The following CCSER1 variants were observed in gnomAD, a reference collection of about 807,000 sequenced individuals.
CCSER1 encodes coiled-coil serine rich protein 1.
Under a neutral mutation model 82.0 loss-of-function variants are expected in CCSER1, and 41 were observed. The ratio of observed to expected loss-of-function variants is 0.50; its 90% confidence interval spans 0.39 to 0.65. CCSER1 has a LOEUF of 0.65. CCSER1 is among the 30% of genes least tolerant of loss of function. The probability of loss-of-function intolerance (pLI) is 0.00; values close to 1 mark genes in which losing one functional copy is unlikely to be tolerated. For missense variants in CCSER1, 1,119 were observed against 1,064.2 expected, an observed-to-expected ratio of 1.05 and a Z score of -0.72; for synonymous variants, 414 against 383.9, an observed-to-expected ratio of 1.08 and a Z score of -0.92.
chr4:90,539,572 A>G (rs1398872599), intron 5 of CCSER1, among the ~76,000 whole-genome samples: 1 of 152,186 alleles, frequency 6.6e-6, no homozygotes, highest in African/African-American at 2.4e-5. Context: ...ACAGACTCTA[A>G]TTGGGTAGGG....
chr4:90,771,562 C>T (rs1433489465), intron 7 of CCSER1, among the ~76,000 whole-genome samples: 2 of 95,090 alleles, frequency 2.1e-5, no homozygotes, highest in East Asian at 6.1e-4. Flanking sequence ...AAATGCCGGG[C>T]ACTAAAAAAA....
chr4:90,670,823 C>T (rs1732659833), intron 6 of CCSER1, among the ~76,000 whole-genome samples: 1 of 151,950 alleles, frequency 6.6e-6, no homozygotes, highest in South Asian at 2.1e-4. Context: ...TGCCCTCCTC[C>T]TTTATCCAGG....
chr4:91,154,727 G>A (rs1052156924), intron 10 of CCSER1, among the ~76,000 whole-genome samples: 1 of 151,954 alleles, frequency 6.6e-6, no homozygotes, highest in African/African-American at 2.4e-5. Context: ...ATGCATATGA[G>A]ATGAATACTG....
rs77820679 is a variant in CCSER1, at chr4:90,239,982, T to C, written c.-41-68262T>C. Among the ~76,000 whole-genome samples, 1,433 of 152,250 alleles carry C rather than the reference T, an allele frequency of 9.4e-3. 30 individuals carry two copies. Among genetic ancestry groups the C allele is most frequent in the African/African-American group, 0.03 (1,246 of 41,534 alleles). On this transcript the variant is annotated intron_variant, in intron 1 of 10. Transcript: ENST00000509176. ...ACAAAAGAGTAACTTCTCTCTAAGATATAGAGAAACCTAAGTGGTACCCTG... is the reference window on the plus strand; with the variant it reads ...ACAAAAGAGTAACTTCTCTCTAAGACATAGAGAAACCTAAGTGGTACCCTG...
chr4:90,882,781 C>A (rs1721532730), intron 8 of CCSER1, among the ~76,000 whole-genome samples: 1 of 151,774 alleles, frequency 6.6e-6, no homozygotes, highest in Admixed American at 6.6e-5. Context: ...AGGCTTCCCC[C>A]CTCAAATATA....
intron 9 of CCSER1, among the ~76,000 whole-genome samples, chr4:90,942,857 TTATA>T (rs999078841): frequency 6.7e-6 from 1 of 148,214 alleles, no homozygotes; most frequent in African/African-American, 2.5e-5. Context: ...CCTAAAAAAA[TTATA>T]TATATTTAAT....
chr4:91,376,910 C>T (rs2149331316), intron 10 of CCSER1, among the ~76,000 whole-genome samples: 1 of 42,030 alleles, frequency 2.4e-5, no homozygotes, highest in African/African-American at 7.2e-5. Context: ...CTCCCCCCAC[C>T]CAGGACAGGC....
intron 3 of CCSER1, among the ~76,000 whole-genome samples, chr4:90,340,324 C>A (rs17016808): frequency 1.3e-5 from 2 of 152,178 alleles, no homozygotes; most frequent in African/African-American, 4.8e-5. Flanking sequence ...TACATTTACC[C>A]TCAAAAACTA....
At chr4:91,341,406 T>G (rs1747709087) in intron 10 of CCSER1, among the ~76,000 whole-genome samples, 1 of 152,176 alleles carries the variant, frequency 6.6e-6, no homozygotes, top group African/African-American at 2.4e-5. Context: ...AATTATTAGT[T>G]TCAGAATATA....
intron 9 of CCSER1, among the ~76,000 whole-genome samples, chr4:91,066,892 G>A (rs1374685161): frequency 6.6e-6 from 1 of 152,110 alleles, no homozygotes; most frequent in South Asian, 2.1e-4. Flanking sequence ...CCCGCTGGGC[G>A]TGGTGGCTCA....
In CCSER1 at chr4:91,365,253, T is replaced by C. The variant is rs574042418; in HGVS notation, c.2218-233319T>C. On this transcript the variant is annotated intron_variant, in intron 10 of 10. Coordinates refer to ENST00000509176, the MANE Select transcript of CCSER1 (RefSeq NM_001145065.2). ...TGACCTGAGGTAAACAATAACTACATCCATGCGTGCATCATACATGCATAC... is the reference window on the plus strand; with the variant it reads ...TGACCTGAGGTAAACAATAACTACACCCATGCGTGCATCATACATGCATAC... 5.3e-5 allele frequency among the ~76,000 whole-genome samples: 8 copies of C among 152,278 alleles called. No homozygotes were observed. In the South Asian group the frequency reaches 1.7e-3, roughly 32 times the overall value.
chr4:90,638,614 T>G (rs1725888367), intron 6 of CCSER1, among the ~76,000 whole-genome samples: 1 of 152,202 alleles, frequency 6.6e-6, no homozygotes, highest in Admixed American at 6.6e-5. Flanking sequence ...TCTCTTAGAC[T>G]GATAGATTTT....
At chr4:91,563,380 C>T (rs1049980626) in intron 10 of CCSER1, among the ~76,000 whole-genome samples, 1 of 151,650 alleles carries the variant, frequency 6.6e-6, no homozygotes, top group African/African-American at 2.4e-5. Flanking sequence ...ATACACAAAT[C>T]AATAAATGTA....
chr4:90,758,709 T>C (rs997789682), intron 7 of CCSER1, among the ~76,000 whole-genome samples: 6 of 152,198 alleles, frequency 3.9e-5, no homozygotes, highest in Admixed American at 3.3e-4. Context: ...CCAGTCCCTC[T>C]AACCATAGGC....
intron 5 of CCSER1, among the ~76,000 whole-genome samples, chr4:90,542,568 T>C (rs1356145134): frequency 6.6e-6 from 1 of 152,076 alleles, no homozygotes; most frequent in East Asian, 1.9e-4. Flanking sequence ...TAACAAACTA[T>C]AAATCAAACC....
chr4:90,210,308 A>G (rs994499844), intron 1 of CCSER1, among the ~76,000 whole-genome samples: 3 of 152,240 alleles, frequency 2.0e-5, no homozygotes, highest in Admixed American at 6.5e-5. Flanking sequence ...AAAATAATTT[A>G]AAATGAACTA....
Position 90,556,437 on chromosome 4 carries a change from C to G in CCSER1, c.1725-71588C>G, listed in dbSNP as rs186798798. 2.5e-3 allele frequency among the ~76,000 whole-genome samples: 387 copies of G among 152,090 alleles called. 2 individuals are homozygous for G. The highest frequency in any genetic ancestry group is 4.5e-3 in the Non-Finnish European group (303 of 67,952). ...TCAGTCAAAAAAATGTAACAGTTGA[C>G]CCTTGGACAGTGTGGAGTGGCCGAA... On this transcript the variant is annotated intron_variant, in intron 5 of 10. Transcript: ENST00000509176.
At chr4:91,410,234 G>A (rs1408728616) in intron 10 of CCSER1, among the ~76,000 whole-genome samples, 1 of 152,024 alleles carries the variant, frequency 6.6e-6, no homozygotes, top group Non-Finnish European at 1.5e-5. Context: ...TTTTGGAGGA[G>A]GAAGACATTT....
intron 5 of CCSER1, among the ~76,000 whole-genome samples, chr4:90,483,603 A>G (rs1300294949): frequency 1.3e-5 from 2 of 152,162 alleles, no homozygotes; most frequent in African/African-American, 2.4e-5. Context: ...GCTTGTCTGT[A>G]AAGTATTTTA....
Sources: gnomAD v4.1 joint callset for allele counts (sites outside exome capture counted in the v4.1 genomes callset) on GRCh38, gnomAD v4.1.1 for gene constraint, MANE v1.5 for transcripts, NCBI Gene and HGNC (gene_info 2026-07-23, HGNC 2026-07-21) for gene names.